Variants in ARFGEF2 observed in about 807,000 individuals in gnomAD.
The protein encoded by ARFGEF2 is brefeldin A-inhibited guanine nucleotide-exchange protein 2.
Under a neutral mutation model 219.9 loss-of-function variants are expected in ARFGEF2, and 74 were observed. That is an observed-to-expected ratio of 0.34 (90% CI 0.28 to 0.41). The LOEUF (loss-of-function observed/expected upper bound fraction) is 0.41. Among genes scored for constraint, ARFGEF2 ranks in the 10% least tolerant of loss-of-function variants. The pLI is 1.00. For missense variants in ARFGEF2, 1,743 were observed against 2,218.3 expected (o/e 0.79, Z 4.30); for synonymous variants, 733 against 799.2 (o/e 0.92, Z 1.40).
chr20:48,942,305 A>C (rs1292395202), intron 3 of ARFGEF2, among the ~76,000 whole-genome samples: 2 of 149,756 alleles, frequency 1.3e-5, no homozygotes, highest in Non-Finnish European at 3.0e-5. Context: ...ATTTTTATAC[A>C]GCCTCTTTTT....
chr20:49,018,032 C>G (rs1213317165), intron 33 of ARFGEF2, among the ~76,000 whole-genome samples: 1 of 152,172 alleles, frequency 6.6e-6, no homozygotes, highest in East Asian at 1.9e-4. Context: ...GTGCTTTCCT[C>G]TTCACCAAAG....
intron 20 of ARFGEF2, 146 bp downstream of exon 20, chr20:48,989,830 C>A: frequency 7.8e-7 from 1 of 1,277,592 alleles, no homozygotes; most frequent in Non-Finnish European, 1.1e-6. Flanking sequence ...AAATCCGTAG[C>A]TTTGTGATGA....
chr20:49,035,408 C>T lies in ARFGEF2; in HGVS notation c.*2209C>T, dbSNP rs1028787880. On this transcript the variant is annotated 3_prime_UTR_variant, in exon 39 of 39. Transcript: ENST00000371917. ...TCTGAATGAGGCATTTGAATTGTAC[C>T]AGCAATGGACTTTTAAAAAATTGGA... 1 of 152,094 alleles carries T rather than the reference C, an allele frequency of 6.6e-6. No individual in the cohort carries two copies. The highest frequency in any genetic ancestry group is 1.5e-5 in the Non-Finnish European group (1 of 68,024). The allele number at this position is 152,094 out of a possible 1,614,324, so 9.4% of individuals were successfully genotyped here.
In ARFGEF2 at chr20:48,953,689, A is replaced by T. The variant is rs956169696; in HGVS notation, c.737A>T (p.Glu246Val). Residue 246 changes from glutamate to valine, a missense_variant, in exon 6 of 39, where the codon GAA (glutamate) becomes GTA (valine). Transcript: ENST00000371917. Reference sequence around the variant, plus strand: ...GCACAAAGCAAACCAACAACTCCCGAAAAAACAGATTTAACCAACGGTGAA... The same window carrying T: ...GCACAAAGCAAACCAACAACTCCCGTAAAAACAGATTTAACCAACGGTGAA... ...SQAQSKPTTP[E>V]KTDLTNGEHA... The T allele has an allele frequency of 2.5e-6, 4 of 1,614,164 alleles. No homozygotes were observed. In the African/African-American group the frequency reaches 5.3e-5, roughly 22 times the overall value.
At chr20:48,990,632 A>G (rs1173609175) in intron 20 of ARFGEF2, among the ~76,000 whole-genome samples, 6 of 152,200 alleles carry the variant, frequency 3.9e-5, no homozygotes, top group Admixed American at 6.5e-5. Flanking sequence ...CACCTCTCCA[A>G]CCATGTGACA....
intron 17 of ARFGEF2, 44 bp downstream of exon 17, chr20:48,988,432 T>G: frequency 1.2e-6 from 2 of 1,609,850 alleles, no homozygotes; most frequent in Admixed American, 1.7e-5. Flanking sequence ...GCTAAATAAG[T>G]GGCTTTACTT....
intron 3 of ARFGEF2, among the ~76,000 whole-genome samples, chr20:48,948,730 A>T (rs563511123): frequency 6.6e-6 from 1 of 152,294 alleles, no homozygotes; most frequent in South Asian, 2.1e-4. Flanking sequence ...TATTGTCATC[A>T]TCTTCCCCTC....
At chr20:48,988,231 T>G in intron 16 of ARFGEF2, 73 bp from the exon 17 acceptor site, 1 of 1,102,732 alleles carries the variant, frequency 9.1e-7, no homozygotes, top group Non-Finnish European at 1.4e-6. Context: ...TCTCGTGAAG[T>G]GTGTCTCTGT....
intron 26 of ARFGEF2, among the ~76,000 whole-genome samples, chr20:49,005,450 G>A (rs1413929030): frequency 3.9e-5 from 6 of 151,974 alleles, no homozygotes; most frequent in Non-Finnish European, 8.8e-5. Context: ...GAAATATGTC[G>A]TGAACCGGCT....
rs778599809 is a variant in ARFGEF2 at position 48,976,207 on chromosome 20, G to A, written c.1958+8G>A. On this transcript the variant is annotated splice_region_variant and intron_variant, in intron 14 of 38. Transcript: ENST00000371917. ...TGAACACGGCATCGAGCTGTGAGTG[G>A]GGCTGCCGTTAACTAGCAGGGATTC... The A allele has an allele frequency of 8.7e-6, 14 of 1,613,774 alleles. No homozygotes were observed. Among genetic ancestry groups the A allele is most frequent in the Non-Finnish European group, 1.1e-5 (13 of 1,179,954 alleles).
At chr20:48,932,631 A>T (rs2090920428) in intron 1 of ARFGEF2, among the ~76,000 whole-genome samples, 1 of 152,176 alleles carries the variant, frequency 6.6e-6, no homozygotes. Flanking sequence ...TGCTGATGGG[A>T]TCTACCCTGG....
intron 35 of ARFGEF2, among the ~76,000 whole-genome samples, chr20:49,023,714 A>G (rs1788023490): frequency 2.0e-5 from 3 of 150,762 alleles, no homozygotes; most frequent in East Asian, 3.9e-4. Flanking sequence ...AATTTTTTGT[A>G]TTTTTAGTAG....
rs2090970314 is a variant in ARFGEF2, at chr20:48,938,039, G to A, written c.122-3160G>A. Among the ~76,000 whole-genome samples the A allele has an allele frequency of 2.0e-5, 3 of 152,142 alleles. No individual in the cohort carries two copies. In the South Asian group the frequency reaches 6.2e-4, roughly 31 times the overall value. The stretch of plus-strand genomic sequence containing the variant: ...ACAGAGTAATTCCATATGCTTGTTC[G>A]AGAGTCGAGGTATCCAGGAGAACAC... On this transcript the variant is annotated intron_variant, in intron 1 of 38. Transcript: ENST00000371917.
At chr20:48,983,544 TCCTGTTCTGCACCATGGCCTGA>T (rs1355632000) in intron 14 of ARFGEF2, among the ~76,000 whole-genome samples, 1 of 152,206 alleles carries the variant, frequency 6.6e-6, no homozygotes, top group Non-Finnish European at 1.5e-5. Flanking sequence ...ATTCCAGGTT[TCCTGTTCTGCACCATGGCCTGA>T]CCCAGCCCCT....
At chr20:49,005,721 G>A (rs901653752) in intron 26 of ARFGEF2, among the ~76,000 whole-genome samples, 1 of 116,106 alleles carries the variant, frequency 8.6e-6, no homozygotes, top group Non-Finnish European at 1.7e-5. Context: ...CTGGGTGAAA[G>A]AGCAAGACTC....
chr20:48,989,547 C>T lies in ARFGEF2; in HGVS notation c.2686-9C>T, dbSNP rs200945599. ...TCTGGATGTTATTGAAATCTTCCTT[C>T]CATGATAGCTGGTGTGGACGCCACT... On this transcript the variant is annotated splice_polypyrimidine_tract_variant and intron_variant, in intron 19 of 38. Coordinates refer to ENST00000371917, the MANE Select transcript of ARFGEF2 (RefSeq NM_006420.3). 9.3e-4 allele frequency: 1,505 copies of T among 1,614,246 alleles called. 7 individuals carry two copies. Among genetic ancestry groups the T allele is most frequent in the Middle Eastern group, 3.6e-3 (22 of 6,062 alleles).
At chr20:49,031,953 A>G in intron 37 of ARFGEF2, 96 bp from the exon 38 acceptor site, 1 of 992,000 alleles carries the variant, frequency 1.0e-6, no homozygotes, top group Non-Finnish European at 1.6e-6. Flanking sequence ...ACATGTTAAA[A>G]TAATTTTAAA....
chr20:48,971,855 T>C (rs1027273960), intron 10 of ARFGEF2, among the ~76,000 whole-genome samples: 2 of 150,792 alleles, frequency 1.3e-5, no homozygotes, highest in South Asian at 2.1e-4. Context: ...GAGCCAAGAT[T>C]GCACCACTGC....
At chr20:48,997,988 G>T in intron 23 of ARFGEF2, 4 of 557,902 alleles carry the variant, frequency 7.2e-6, no homozygotes, top group Non-Finnish European at 9.8e-6. Flanking sequence ...CTCCCAAGTA[G>T]CTGGGATTAC....
Sources: gnomAD v4.1 joint callset for allele counts (sites outside exome capture counted in the v4.1 genomes callset) on GRCh38, gnomAD v4.1.1 for gene constraint, MANE v1.5 for transcripts, NCBI Gene and HGNC (gene_info 2026-07-23, HGNC 2026-07-21) for gene names.